The following PSAP variants were observed in gnomAD, a reference collection of about 807,000 sequenced individuals.
PSAP encodes the protein precursor of saposins.
PSAP carries 25 observed loss-of-function variants against 66.0 expected under a neutral mutation model. That is an observed-to-expected ratio of 0.38 (90% CI 0.28 to 0.53). PSAP has a LOEUF of 0.53. PSAP is among the 20% of genes least tolerant of loss of function. PSAP has a pLI of 0.83. For synonymous variants in PSAP, 273 were observed against 258.9 expected, an observed-to-expected ratio of 1.05 and a Z score of -0.52; for missense variants, 649 against 668.8, an observed-to-expected ratio of 0.97 and a Z score of 0.33.
intron 1 of PSAP, among the ~76,000 whole-genome samples, chr10:71,840,611 G>A (rs939076119): frequency 2.6e-5 from 4 of 152,200 alleles, no homozygotes; most frequent in Admixed American, 2.0e-4. Flanking sequence ...TAAGGTCCAA[G>A]AGTCCTCATA....
intron 4 of PSAP, among the ~76,000 whole-genome samples, 191 bp from the exon 5 acceptor site, chr10:71,829,268 T>C (rs1661379895): frequency 6.6e-6 from 1 of 152,156 alleles, no homozygotes; most frequent in Non-Finnish European, 1.5e-5. Context: ...AACCACACAG[T>C]GGCCCCTAAG....
intron 1 of PSAP, among the ~76,000 whole-genome samples, chr10:71,847,398 A>G (rs1160583456): frequency 1.3e-5 from 2 of 152,174 alleles, no homozygotes; most frequent in East Asian, 3.9e-4. Flanking sequence ...CCAGAGGTGG[A>G]TTTTATAGGC....
intron 6 of PSAP, among the ~76,000 whole-genome samples, chr10:71,826,574 G>A (rs1339538630): frequency 6.6e-6 from 1 of 152,088 alleles, no homozygotes; most frequent in Non-Finnish European, 1.5e-5. Flanking sequence ...CATTCCTAAC[G>A]GAAAGTCAGA....
chr10:71,820,197 G>C (rs771646815), intron 9 of PSAP, 43 bp downstream of exon 9: 3 of 1,532,640 alleles, frequency 2.0e-6, no homozygotes, highest in African/African-American at 1.4e-5. Flanking sequence ...TTCAGGCTCG[G>C]GGGGGCAGGA....
chr10:71,851,163 T>A lies in PSAP; in HGVS notation c.40+19A>T. 6.4e-7 allele frequency: 1 copy of A among 1,550,700 alleles called. No individual in the cohort carries two copies. The highest frequency in any genetic ancestry group is 8.7e-7 in the Non-Finnish European group (1 of 1,146,652). On this transcript the variant is annotated intron_variant, in intron 1 of 13. Coordinates refer to ENST00000394936, the MANE Select transcript of PSAP (RefSeq NM_002778.4). ...GCTGCGAGGCACCTCCTCCCCAGGA[T>A]GAGGGTCCCAGGGCTTACCCGCGCC...
At chr10:71,829,406 C>CG (rs1564820057) in intron 4 of PSAP, among the ~76,000 whole-genome samples, 1 of 152,076 alleles carries the variant, frequency 6.6e-6, no homozygotes, top group African/African-American at 2.4e-5. Context: ...AACTGAATCA[C>CG]GGGGGCGGGT....
rs1589451449 is a variant in PSAP, at chr10:71,829,021, G to A, written c.432C>T (p.His144=). 2 of 1,614,130 alleles carry A rather than the reference G, an allele frequency of 1.2e-6. No individual in the cohort carries two copies. Among genetic ancestry groups the A allele is most frequent in the Non-Finnish European group, 1.7e-6 (2 of 1,180,030 alleles). The change falls in exon 5 of 14, where the codon CAC becomes CAT. Residue 144 remains histidine (H), a synonymous_variant. Transcript: ENST00000394936. ...ALNLCESLQK[H]LAELNHQKQL... is the part of the protein sequence containing the mutation. The stretch of plus-strand genomic sequence containing the variant: ...GCTTCTGGTGATTCAGCTCTGCTAG[G>A]TGCTTCTGGAGAGACTCGCAGAGGT...
chr10:71,838,252 G>A (rs1842665073), intron 1 of PSAP, among the ~76,000 whole-genome samples: 1 of 152,246 alleles, frequency 6.6e-6, no homozygotes, highest in Non-Finnish European at 1.5e-5. Flanking sequence ...GGTTCCATGA[G>A]AAGTTGTGCA....
At chr10:71,834,526 A>C in intron 1 of PSAP, 21 bp from the exon 2 acceptor site, 7 of 1,612,780 alleles carry the variant, frequency 4.3e-6, no homozygotes, top group African/African-American at 1.3e-5. Flanking sequence ...AACCAACGTG[A>C]GGAGGTGGCC....
chr10:71,843,793 G>A (rs543165867), intron 1 of PSAP, among the ~76,000 whole-genome samples: 6 of 152,302 alleles, frequency 3.9e-5, no homozygotes, highest in Non-Finnish European at 8.8e-5. Context: ...AATGAGATTA[G>A]TGGAAAAACT....
At chr10:71,817,616 CAGGACAGG>C (rs1219831242) in intron 13 of PSAP, 140 bp from the exon 14 acceptor site, 2 of 829,684 alleles carry the variant, frequency 2.4e-6, no homozygotes, top group Non-Finnish European at 4.2e-6. Context: ...GCTGAAGACC[CAGGACAGG>C]ATCTCACTTA....
chr10:71,841,473 C>T (rs1167244629), intron 1 of PSAP, among the ~76,000 whole-genome samples: 1 of 152,108 alleles, frequency 6.6e-6, no homozygotes, highest in Admixed American at 6.5e-5. Flanking sequence ...ATGTTCAGAC[C>T]ACAGCATGGG....
chr10:71,818,544 A>G (rs1174752956), intron 13 of PSAP, 73 bp downstream of exon 13: 1 of 1,305,216 alleles, frequency 7.7e-7, no homozygotes, highest in Admixed American at 1.7e-5. Flanking sequence ...CTGGGTTCCC[A>G]TTAAAGCAGG....
At chr10:71,851,131 G>C in intron 1 of PSAP, 51 bp downstream of exon 1, 1 of 1,545,478 alleles carries the variant, frequency 6.5e-7, no homozygotes, top group Non-Finnish European at 8.8e-7. Flanking sequence ...TTCTGGGGCA[G>C]ATGGACGCTG....
At chr10:71,825,002 A>G (rs566762536) in intron 7 of PSAP, among the ~76,000 whole-genome samples, 1 of 152,310 alleles carries the variant, frequency 6.6e-6, no homozygotes, top group South Asian at 2.1e-4. Flanking sequence ...ACAGCAGGTC[A>G]GAGAGTCAAT....
chr10:71,819,939 C>A, intron 9 of PSAP, 39 bp from the exon 10 acceptor site: 2 of 1,562,418 alleles, frequency 1.3e-6, no homozygotes, highest in Non-Finnish European at 1.8e-6. Context: ...AGACGGGAGG[C>A]CGGACAAGGG....
In PSAP at chr10:71,817,349, A is replaced by C. The variant is rs1564813336; in HGVS notation, c.*92T>G. ...GTGGGGGAGCCCTATTTTTATAACAAAGTCAAACAGATCTGTGCGTTCATT... is the reference window on the plus strand; with the variant it reads ...GTGGGGGAGCCCTATTTTTATAACACAGTCAAACAGATCTGTGCGTTCATT... On this transcript the variant is annotated 3_prime_UTR_variant, in exon 14 of 14. Coordinates refer to ENST00000394936, the MANE Select transcript of PSAP (RefSeq NM_002778.4). 7.2e-7 allele frequency: 1 copy of C among 1,382,780 alleles called. No homozygotes were observed. Among genetic ancestry groups the C allele is most frequent in the East Asian group, 2.3e-5 (1 of 43,750 alleles). The allele number at this position is 1,382,780 out of a possible 1,614,324, so 85.7% of individuals were successfully genotyped here.
At chr10:71,831,317 G>T in intron 3 of PSAP, 66 bp from the exon 4 acceptor site, 1 of 1,594,110 alleles carries the variant, frequency 6.3e-7, no homozygotes, top group Non-Finnish European at 8.5e-7. Context: ...TGGGCTGAAG[G>T]CAAGAGGCCC....
Position 71,833,989 on chromosome 10 carries a change from G to A in PSAP, c.174+383C>T, listed in dbSNP as rs12415202. 4.0e-3 allele frequency among the ~76,000 whole-genome samples: 616 copies of A among 152,278 alleles called. 2 individuals carry two copies. The highest frequency in any genetic ancestry group is 5.8e-3 in the Non-Finnish European group (396 of 68,018). On this transcript the variant is annotated intron_variant, in intron 2 of 13. Coordinates refer to ENST00000394936, the MANE Select transcript of PSAP (RefSeq NM_002778.4). Reference sequence around the variant, plus strand: ...GGAGTGAGTGACCAAGGATAGAGCCGCGCCCATGTGCCCAGTGGTGGGAAT... The same window carrying A: ...GGAGTGAGTGACCAAGGATAGAGCCACGCCCATGTGCCCAGTGGTGGGAAT...
Sources: gnomAD v4.1 joint callset for allele counts (sites outside exome capture counted in the v4.1 genomes callset) on GRCh38, gnomAD v4.1.1 for gene constraint, MANE v1.5 for transcripts, NCBI Gene and HGNC (gene_info 2026-07-23, HGNC 2026-07-21) for gene names.